Variants in TRPM3 observed in about 807,000 individuals in gnomAD.
TRPM3 encodes long transient receptor potential channel 3.
TRPM3 carries 77 observed loss-of-function variants against 181.2 expected under a neutral mutation model. The ratio of observed to expected loss-of-function variants is 0.42; its 90% confidence interval spans 0.35 to 0.51. TRPM3 has a LOEUF of 0.51. TRPM3 is among the 20% of genes least tolerant of loss of function. The pLI, the probability that TRPM3 is intolerant of heterozygous loss-of-function variation, is 0.01. For missense variants in TRPM3, 1,759 were observed against 2,196.7 expected (o/e 0.80, Z 3.98); for synonymous variants, 745 against 796.4 (o/e 0.94, Z 1.09).
chr9:71,148,936 C>A (rs1927940), intron 1 of TRPM3, among the ~76,000 whole-genome samples: 95,998 of 151,702 alleles, frequency 0.63, 32,667 homozygotes, highest in East Asian at 0.8. Context: ...ATGGTAGTGA[C>A]TGTAGGCTGA....
chr9:70,916,638 ATATAC>A (rs1167230103), intron 1 of TRPM3, among the ~76,000 whole-genome samples: 1 of 152,184 alleles, frequency 6.6e-6, no homozygotes, highest in Admixed American at 6.5e-5. Context: ...GTATGAATAA[ATATAC>A]TATATTATTT....
rs556317603 is a variant in TRPM3 at position 71,303,185 on chromosome 9, G to A, written c.183+143468C>T. On this transcript the variant is annotated intron_variant, in intron 1 of 24. Transcript: ENST00000357533. Reference sequence around the variant, plus strand: ...CCTAAGAAAAGGAAAGGGACAGGGAGATGGGACAAAATAACCCTGGACTCA... The same window carrying A: ...CCTAAGAAAAGGAAAGGGACAGGGAAATGGGACAAAATAACCCTGGACTCA... Among the ~76,000 whole-genome samples, 12 of 152,292 alleles carry A rather than the reference G, an allele frequency of 7.9e-5. No individual in the cohort carries two copies. The East Asian group carries it at 2.1e-3, about 27-fold the overall frequency.
At chr9:70,749,290 T>C (rs1271649381) in intron 8 of TRPM3, among the ~76,000 whole-genome samples, 1 of 152,170 alleles carries the variant, frequency 6.6e-6, no homozygotes, top group Non-Finnish European at 1.5e-5. Context: ...AGAATCATTA[T>C]TGCAAATGAG....
chr9:71,411,753 A>G (rs1296597190), intron 1 of TRPM3, among the ~76,000 whole-genome samples: 1 of 152,188 alleles, frequency 6.6e-6, no homozygotes, highest in Non-Finnish European at 1.5e-5. Context: ...ACTACTTTGA[A>G]TTTCATATGG....
At chr9:70,852,367 T>C (rs1564588467) in intron 3 of TRPM3, among the ~76,000 whole-genome samples, 1 of 152,064 alleles carries the variant, frequency 6.6e-6, no homozygotes, top group Non-Finnish European at 1.5e-5. Flanking sequence ...TATGCTAGTA[T>C]GGGAGTGCTC....
intron 1 of TRPM3, among the ~76,000 whole-genome samples, chr9:71,043,660 C>T (rs898882438): frequency 1.3e-5 from 2 of 152,164 alleles, no homozygotes; most frequent in African/African-American, 4.8e-5. Context: ...AAAATTTGCG[C>T]CTGGACTAGC....
At position 71,355,718 on chromosome 9, in the gene TRPM3, T is replaced by C. The variant is rs115873721; in HGVS notation, c.183+90935A>G. ...CAAGAACTACCAAAGGAAGACCCTC[T>C]GGCTTGGGTCTCTAACAACCCGCCA... On this transcript the variant is annotated intron_variant, in intron 1 of 24. Transcript: ENST00000357533. Among the ~76,000 whole-genome samples the C allele has an allele frequency of 5.5e-3, 840 of 152,236 alleles. 11 individuals are homozygous for C. The highest frequency in any genetic ancestry group is 0.019 in the African/African-American group (810 of 41,550).
At chr9:71,065,613 A>G (rs2061822049) in intron 1 of TRPM3, among the ~76,000 whole-genome samples, 1 of 152,206 alleles carries the variant, frequency 6.6e-6, no homozygotes, top group African/African-American at 2.4e-5. Flanking sequence ...GCATCTATTG[A>G]TGATTACAGC....
At chr9:70,541,061 T>C (rs1194764291) in intron 25 of TRPM3, among the ~76,000 whole-genome samples, 1 of 152,120 alleles carries the variant, frequency 6.6e-6, no homozygotes, top group Non-Finnish European at 1.5e-5. Flanking sequence ...TGCCTGGACG[T>C]AGGCAGTAAA....
chr9:70,648,407 T>G (rs1342455044), intron 9 of TRPM3, among the ~76,000 whole-genome samples: 1 of 151,868 alleles, frequency 6.6e-6, no homozygotes, highest in Non-Finnish European at 1.5e-5. Context: ...GCCTGGGAGG[T>G]CAAGGCTGCA....
chr9:70,630,111 A>C (rs1589537837), intron 12 of TRPM3, among the ~76,000 whole-genome samples: 1 of 152,126 alleles, frequency 6.6e-6, no homozygotes, highest in Non-Finnish European at 1.5e-5. Flanking sequence ...AGGGGAACTT[A>C]TGGATACTCA....
intron 1 of TRPM3, among the ~76,000 whole-genome samples, chr9:71,206,063 G>T (rs943633804): frequency 4.6e-5 from 7 of 152,232 alleles, no homozygotes; most frequent in African/African-American, 1.7e-4. Context: ...ATATGGATTT[G>T]CATGTGTCTT....
chr9:70,970,485 C>T (rs1484867179), intron 1 of TRPM3, among the ~76,000 whole-genome samples: 4 of 152,138 alleles, frequency 2.6e-5, no homozygotes, highest in Admixed American at 2.6e-4. Context: ...CTTGGTACAG[C>T]GATGGGCCTT....
intron 1 of TRPM3, among the ~76,000 whole-genome samples, chr9:70,961,849 G>C (rs142552544): frequency 1.5e-3 from 233 of 152,094 alleles, no homozygotes; most frequent in Non-Finnish European, 2.4e-3. Context: ...GCCATAAGGG[G>C]ATTTATTATA....
intron 8 of TRPM3, among the ~76,000 whole-genome samples, chr9:70,696,120 T>C (rs10123037): frequency 0.033 from 5,054 of 152,324 alleles, 90 homozygotes; most frequent in Non-Finnish European, 0.04. Flanking sequence ...TCCGTTCTAT[T>C]CTATCTCTAC....
At chr9:71,350,661 T>C (rs1030799778) in intron 1 of TRPM3, among the ~76,000 whole-genome samples, 47 of 152,250 alleles carry the variant, frequency 3.1e-4, no homozygotes, top group African/African-American at 9.4e-4. Context: ...GCTTTTACAT[T>C]GATTTTTGAA....
chr9:70,594,284 T>C (rs575045147), intron 21 of TRPM3, among the ~76,000 whole-genome samples: 2 of 152,232 alleles, frequency 1.3e-5, no homozygotes, highest in South Asian at 4.1e-4. Context: ...TCCATAAATG[T>C]TAATGTATTA....
chr9:71,238,940 T>G (rs2081513525), intron 1 of TRPM3, among the ~76,000 whole-genome samples: 1 of 152,170 alleles, frequency 6.6e-6, no homozygotes, highest in South Asian at 2.1e-4. Flanking sequence ...CATAGTACTC[T>G]TCCAACTCTA....
At chr9:70,693,225 T>C (rs2069114306) in intron 8 of TRPM3, among the ~76,000 whole-genome samples, 1 of 152,220 alleles carries the variant, frequency 6.6e-6, no homozygotes, top group African/African-American at 2.4e-5. Context: ...AACTGTGTAA[T>C]GTACCTCACT....
Sources: allele counts gnomAD v4.1 joint callset (sites outside exome capture counted in the v4.1 genomes callset), GRCh38; gene constraint gnomAD v4.1.1; transcripts MANE v1.5; gene names NCBI Gene and HGNC (gene_info 2026-07-23, HGNC 2026-07-21).